The following FXYD2 variants were observed in gnomAD, a reference collection of about 807,000 sequenced individuals.
FXYD2 encodes FXYD domain containing ion transport regulator 2.
A neutral mutation model predicts 11.8 loss-of-function variants in FXYD2; 8 were observed. The ratio of observed to expected loss-of-function variants is 0.68; its 90% confidence interval spans 0.40 to 1.22. The LOEUF (loss-of-function observed/expected upper bound fraction) is 1.22. Among genes scored for constraint, FXYD2 ranks in the 50% most tolerant of loss-of-function variants. The pLI, the probability that FXYD2 is intolerant of heterozygous loss-of-function variation, is 0.01. For synonymous variants in FXYD2, 42 were observed against 33.3 expected (o/e 1.26, Z -0.90); for missense variants, 92 against 91.8 (o/e 1.00, Z -0.01).
chr11:117,826,042 C>T (rs1358532686), upstream of FXYD2, among the ~76,000 whole-genome samples: 1 of 152,164 alleles, frequency 6.6e-6, no homozygotes, highest in Admixed American at 6.5e-5. Flanking sequence ...GTACCCAGCT[C>T]CTAGGGTGGT....
chr11:117,822,554 G>A lies in FXYD2; in HGVS notation c.65-74C>T, dbSNP rs368044662. The A allele has an allele frequency of 4.2e-5, 65 of 1,558,414 alleles. 1 individual carries two copies. Among genetic ancestry groups the A allele is most frequent in the South Asian group, 3.5e-4 (30 of 84,602 alleles). On this transcript the variant is annotated intron_variant, in intron 2 of 5. Transcript: ENST00000292079. This position sits in a 1 kb window ranked among gnomAD's most constrained non-coding sequence, Gnocchi z 4.7. Reference sequence around the variant, plus strand: ...AGCTGTCTCTCTCCGCAGCCTGCCCGCAGCAGCCCGTGGTAACCAGGGGAG... The same window carrying A: ...AGCTGTCTCTCTCCGCAGCCTGCCCACAGCAGCCCGTGGTAACCAGGGGAG...
upstream of FXYD2, chr11:117,824,886 C>T: frequency 1.5e-6 from 1 of 681,254 alleles, no homozygotes; most frequent in East Asian, 2.7e-5. This position sits in a 1 kb window ranked among gnomAD's most constrained non-coding sequence, Gnocchi z 4.0. Flanking sequence ...CGTGGGGAGG[C>T]AGGGGCAGGG....
rs1224052139 is a variant in FXYD2, at chr11:117,822,533, G to A, written c.65-53C>T. 1.3e-5 allele frequency: 21 copies of A among 1,555,882 alleles called. No individual in the cohort carries two copies. The highest frequency in any genetic ancestry group is 1.7e-5 in the Non-Finnish European group (20 of 1,149,142). On this transcript the variant is annotated intron_variant, in intron 2 of 5. Coordinates refer to ENST00000292079, the MANE Select transcript of FXYD2 (RefSeq NM_001680.5). This position sits in a 1 kb window ranked among gnomAD's most constrained non-coding sequence, Gnocchi z 4.7. ...GGATGGGTGGTCTCTCCCAGCAGCT[G>A]TCTCTCTCCGCAGCCTGCCCGCAGC...
In FXYD2 at chr11:117,820,368, C is replaced by G; in HGVS notation, c.*11G>C. 1 of 488,858 alleles carries G rather than the reference C, an allele frequency of 2.0e-6. No homozygotes were observed. Among genetic ancestry groups the G allele is most frequent in the Middle Eastern group, 5.4e-4 (1 of 1,868 alleles). The allele number at this position is 488,858 out of a possible 1,614,324, so 30.3% of individuals were successfully genotyped here. ...GCCCCAGTGCAGTGGGTGGCACCGC[C>G]GAGGCTGAGAAGACAAAGGCAGGAT... On this transcript the variant is annotated 3_prime_UTR_variant, in exon 6 of 6. Coordinates refer to ENST00000292079, the MANE Select transcript of FXYD2 (RefSeq NM_001680.5).
Position 117,821,380 on chromosome 11 carries a change from G to C in FXYD2, c.140-485C>G, listed in dbSNP as rs528407315. On this transcript the variant is annotated intron_variant, in intron 3 of 5. Transcript: ENST00000292079. ...CCAGCCTTCTCTCTCTTTATATAAG[G>C]CTGGACCATAGGCATTTAAGAACCT... is the stretch of plus-strand genomic sequence containing the variant. The C allele has an allele frequency of 1.5e-5, 15 of 988,304 alleles. No homozygotes were observed. The African/African-American group carries it at 2.6e-4, about 17-fold the overall frequency. 61.2% of individuals were successfully genotyped at this position (988,304 alleles called of 1,614,324 possible).
intron 1 of FXYD2, among the ~76,000 whole-genome samples, chr11:117,823,824 C>T (rs1469345971): frequency 1.3e-5 from 2 of 152,218 alleles, no homozygotes; most frequent in Admixed American, 1.3e-4. Context: ...GTCTGTCAAG[C>T]CCAGCTGTCC....
In FXYD2 at chr11:117,822,270, C is replaced by A; in HGVS notation, c.139+136G>T. ...CCTGGCACCCCACCGGGCACCCATT[C>A]CCACATCCTGCAGTGGGGGGCGTGG... On this transcript the variant is annotated intron_variant, in intron 3 of 5. Transcript: ENST00000292079. This position sits in a 1 kb window ranked among gnomAD's most constrained non-coding sequence, Gnocchi z 4.7. The A allele has an allele frequency of 6.5e-7, 1 of 1,534,348 alleles. No homozygotes were observed. Among genetic ancestry groups the A allele is most frequent in the Admixed American group, 2.0e-5 (1 of 50,744 alleles).
intron 5 of FXYD2, 39 bp downstream of exon 5, chr11:117,820,627 C>G: frequency 6.2e-7 from 1 of 1,613,042 alleles, no homozygotes; most frequent in Non-Finnish European, 8.5e-7. Context: ...CAAGCCTGCC[C>G]TGCCCTCCCC....
chr11:117,822,040 C>A lies in FXYD2; in HGVS notation c.139+366G>T. 1 of 1,218,310 alleles carries A rather than the reference C, an allele frequency of 8.2e-7. No individual in the cohort carries two copies. The highest frequency in any genetic ancestry group is 1.7e-5 in the South Asian group (1 of 59,540). The allele number at this position is 1,218,310 out of a possible 1,614,324, so 75.5% of individuals were successfully genotyped here. ...TGACTGCCATGTCTTTGGATGCTAG[C>A]CCTAATCTTGTGAGGCAGGTGGGAT... On this transcript the variant is annotated intron_variant, in intron 3 of 5. Transcript: ENST00000292079. The surrounding 1 kb of genome is among the most constrained non-coding windows in gnomAD (Gnocchi z 4.7).
chr11:117,821,654 T>G, intron 3 of FXYD2: 8 of 977,428 alleles, frequency 8.2e-6, no homozygotes, highest in Non-Finnish European at 8.5e-6. Context: ...CATGTGAAAA[T>G]GGGGAGACCT....
In FXYD2 at chr11:117,822,067, A is replaced by G; in HGVS notation, c.139+339T>C. 7.9e-7 allele frequency: 1 copy of G among 1,260,714 alleles called. No homozygotes were observed. Among genetic ancestry groups the G allele is most frequent in the Non-Finnish European group, 1.0e-6 (1 of 989,376 alleles). 78.1% of individuals were successfully genotyped at this position (1,260,714 alleles called of 1,614,324 possible). A position where few individuals can be genotyped will look rare whatever the true frequency, so the allele number is the denominator to read the frequency against. On this transcript the variant is annotated intron_variant, in intron 3 of 5. Transcript: ENST00000292079. The surrounding 1 kb of genome is among the most constrained non-coding windows in gnomAD (Gnocchi z 4.7). ...CTAATCTTGTGAGGCAGGTGGGATC[A>G]TCCCTATTTAACAAATGAGTTTGGG...
Position 117,822,614 on chromosome 11 carries a change from G to C in FXYD2, c.64+65C>G. ...ACAGAGCATGGACCTGGGGCTGGGA[G>C]AGGCCGCTGCTTGGTGGAAGGGGTC... On this transcript the variant is annotated intron_variant, in intron 2 of 5. Coordinates refer to ENST00000292079, the MANE Select transcript of FXYD2 (RefSeq NM_001680.5). This position sits in a 1 kb window ranked among gnomAD's most constrained non-coding sequence, Gnocchi z 4.7. 1 of 1,588,246 alleles carries C rather than the reference G, an allele frequency of 6.3e-7. No individual in the cohort carries two copies. Among genetic ancestry groups the C allele is most frequent in the Non-Finnish European group, 8.6e-7 (1 of 1,168,462 alleles).
chr11:117,822,212 C>T lies in FXYD2; in HGVS notation c.139+194G>A. 6.8e-7 allele frequency: 1 copy of T among 1,472,832 alleles called. No homozygotes were observed. The highest frequency in any genetic ancestry group is 9.0e-7 in the Non-Finnish European group (1 of 1,111,040). 91.2% of individuals were successfully genotyped at this position (1,472,832 alleles called of 1,614,324 possible). A position where few individuals can be genotyped will look rare whatever the true frequency, so the allele number is the denominator to read the frequency against. On this transcript the variant is annotated intron_variant, in intron 3 of 5. Transcript: ENST00000292079. The surrounding 1 kb of genome is among the most constrained non-coding windows in gnomAD (Gnocchi z 4.7). ...GGGCCCACTGGAGGGTGCACTTGAG[C>T]AAGCAGGAACCTCACACTGTGCTCC... is the stretch of plus-strand genomic sequence containing the variant.
At chr11:117,820,466 C>G in intron 5 of FXYD2, 94 bp from the exon 6 acceptor site, 1 of 634,496 alleles carries the variant, frequency 1.6e-6, no homozygotes, top group South Asian at 2.1e-5. Context: ...TCCAGGGCTC[C>G]TCTGTGATCT....
At position 117,822,527 on chromosome 11, in the gene FXYD2, G is replaced by A; in HGVS notation, c.65-47C>T. On this transcript the variant is annotated intron_variant, in intron 2 of 5. Coordinates refer to ENST00000292079, the MANE Select transcript of FXYD2 (RefSeq NM_001680.5). This position sits in a 1 kb window ranked among gnomAD's most constrained non-coding sequence, Gnocchi z 4.7. ...GGAGCGGGATGGGTGGTCTCTCCCA[G>A]CAGCTGTCTCTCTCCGCAGCCTGCC... 1 of 1,555,946 alleles carries A rather than the reference G, an allele frequency of 6.4e-7. No individual in the cohort carries two copies. Among genetic ancestry groups the A allele is most frequent in the Non-Finnish European group, 8.7e-7 (1 of 1,149,098 alleles).
chr11:117,820,919 G>T (rs1468585697), intron 3 of FXYD2, 24 bp from the exon 4 acceptor site: 1 of 1,613,622 alleles, frequency 6.2e-7, no homozygotes, highest in Admixed American at 1.7e-5. Flanking sequence ...AAGGAGATTT[G>T]TTTCCATGGA....
In FXYD2 at chr11:117,824,215, AG is replaced by A. The variant is rs1426596868; in HGVS notation, c.25+438del. On this transcript the variant is annotated intron_variant, in intron 1 of 5. Coordinates refer to ENST00000292079, the MANE Select transcript of FXYD2 (RefSeq NM_001680.5). The surrounding 1 kb of genome is among the most constrained non-coding windows in gnomAD (Gnocchi z 4.0). Reference sequence around the variant, plus strand: ...CCAGGCCTGAGTCAGTTCCTGTGACAGGAAGCCTTTGGAGAGTGTGACTTGA... The same window carrying A: ...CCAGGCCTGAGTCAGTTCCTGTGACAGAAGCCTTTGGAGAGTGTGACTTGA... The A allele has an allele frequency of 1.7e-5, 4 of 235,928 alleles. No individual in the cohort carries two copies. The highest frequency in any genetic ancestry group is 8.8e-5 in the African/African-American group (4 of 45,290). The allele number at this position is 235,928 out of a possible 1,614,324, so 14.6% of individuals were successfully genotyped here.
Position 117,820,457 on chromosome 11 carries a change from C to T in FXYD2, c.*7-85G>A, listed in dbSNP as rs190664758. The T allele has an allele frequency of 1.6e-3, 1,009 of 611,842 alleles. 3 individuals carry two copies. Among genetic ancestry groups the T allele is most frequent in the Middle Eastern group, 2.9e-3 (9 of 3,110 alleles). The allele number at this position is 611,842 out of a possible 1,614,324, so 37.9% of individuals were successfully genotyped here. On this transcript the variant is annotated intron_variant, in intron 5 of 5. Coordinates refer to ENST00000292079, the MANE Select transcript of FXYD2 (RefSeq NM_001680.5). ...TCCCCCTTGTCCATCTCACTTTTCT[C>T]CAGGGCTCCTCTGTGATCTCCTGCG...
At chr11:117,825,633 G>A (rs933343235), upstream of FXYD2, among the ~76,000 whole-genome samples, 1 of 152,200 alleles carries the variant, frequency 6.6e-6, no homozygotes, top group African/African-American at 2.4e-5. Flanking sequence ...TGTGGGGGAA[G>A]TGGAGACTGA....
Sources: allele counts gnomAD v4.1 joint callset (sites outside exome capture counted in the v4.1 genomes callset), GRCh38; gene constraint gnomAD v4.1.1; non-coding constraint Gnocchi (gnomAD v3.1); transcripts MANE v1.5; gene names NCBI Gene and HGNC (gene_info 2026-07-23, HGNC 2026-07-21).